Variants in SYT16 observed in about 807,000 individuals in gnomAD.
SYT16 encodes synaptotagmin 16.
A neutral mutation model predicts 61.4 loss-of-function variants in SYT16; 42 were observed. The ratio of observed to expected loss-of-function variants is 0.68; its 90% CI spans 0.53 to 0.89. The LOEUF (loss-of-function observed/expected upper bound fraction) is 0.89. SYT16 is among the 40% of genes least tolerant of loss of function. The probability of loss-of-function intolerance (pLI) is 0.00; values close to 1 mark genes in which losing one functional copy is unlikely to be tolerated. For synonymous variants in SYT16, 314 were observed against 302.3 expected, an observed-to-expected ratio of 1.04 and a Z score of -0.40; for missense variants, 804 against 807.3, an observed-to-expected ratio of 1.00 and a Z score of 0.05.
At chr14:61,902,057 C>T (rs889368689) in intron 1 of SYT16, among the ~76,000 whole-genome samples, 2 of 152,176 alleles carry the variant, frequency 1.3e-5, no homozygotes, top group Non-Finnish European at 2.9e-5. Context: ...GCCACCGTTC[C>T]AGACCTGCTT....
At chr14:61,850,138 T>C (rs1301634056) in intron 1 of SYT16, among the ~76,000 whole-genome samples, 6 of 152,020 alleles carry the variant, frequency 3.9e-5, no homozygotes, top group African/African-American at 1.4e-4. Context: ...CTTTTTCTTT[T>C]TCTTTTTTTT....
At chr14:61,892,057 C>T (rs1279585276) in intron 1 of SYT16, among the ~76,000 whole-genome samples, 1 of 149,478 alleles carries the variant, frequency 6.7e-6, no homozygotes, top group Non-Finnish European at 1.5e-5. Flanking sequence ...ACTTCCCTGC[C>T]TCCCTCCTTC....
chr14:62,000,575 G>T (rs2052972478), intron 3 of SYT16, among the ~76,000 whole-genome samples: 1 of 151,826 alleles, frequency 6.6e-6, no homozygotes, highest in Non-Finnish European at 1.5e-5. Flanking sequence ...ATTAAAATCT[G>T]TCTTCTTGCT....
chr14:61,941,936 C>A (rs1392884432), intron 1 of SYT16, among the ~76,000 whole-genome samples: 3 of 152,138 alleles, frequency 2.0e-5, no homozygotes, highest in Non-Finnish European at 4.4e-5. Context: ...TTGCCTTTGC[C>A]TGGCAAGGCT....
chr14:61,945,754 G>A (rs2050402039), intron 1 of SYT16, among the ~76,000 whole-genome samples: 1 of 151,436 alleles, frequency 6.6e-6, no homozygotes, highest in African/African-American at 2.4e-5. Context: ...TACGCGGGAG[G>A]CTGAGGCAGG....
chr14:61,955,461 C>T (rs1391508659), intron 1 of SYT16, among the ~76,000 whole-genome samples: 3 of 151,944 alleles, frequency 2.0e-5, no homozygotes, highest in African/African-American at 4.8e-5. Context: ...CTGCTCCAGC[C>T]GCTGGCAACT....
At chr14:61,862,872 A>C (rs2047008121) in intron 1 of SYT16, among the ~76,000 whole-genome samples, 1 of 152,166 alleles carries the variant, frequency 6.6e-6, no homozygotes, top group Non-Finnish European at 1.5e-5. Context: ...ATCATACAGG[A>C]TATAACCTTT....
intron 1 of SYT16, among the ~76,000 whole-genome samples, chr14:61,892,074 T>C (rs1479270304): frequency 2.0e-5 from 3 of 151,906 alleles, no homozygotes; most frequent in Non-Finnish European, 2.9e-5. Flanking sequence ...CTTCCCTTCC[T>C]TTTCTCCTTT....
intron 1 of SYT16, among the ~76,000 whole-genome samples, chr14:61,870,112 G>A (rs995519781): frequency 6.6e-6 from 1 of 151,890 alleles, no homozygotes; most frequent in South Asian, 2.1e-4. Context: ...TTTCCATCTG[G>A]TATTATTTGC....
At chr14:61,979,668 G>C (rs988493905) in intron 2 of SYT16, among the ~76,000 whole-genome samples, 1 of 152,174 alleles carries the variant, frequency 6.6e-6, no homozygotes, top group African/African-American at 2.4e-5. Flanking sequence ...TGGATCACGA[G>C]GTCAAGAGAT....
intron 1 of SYT16, among the ~76,000 whole-genome samples, chr14:61,898,187 A>G (rs1385157611): frequency 6.6e-6 from 1 of 152,202 alleles, no homozygotes; most frequent in Non-Finnish European, 1.5e-5. Flanking sequence ...TGAGGAAATA[A>G]ATGTGAACAG....
chr14:61,839,851 A>G (rs1310941422), intron 1 of SYT16, among the ~76,000 whole-genome samples: 1 of 146,594 alleles, frequency 6.8e-6, no homozygotes, highest in Non-Finnish European at 1.5e-5. Flanking sequence ...TTTTCTTGTG[A>G]TGAAGAATGT....
chr14:61,859,743 A>C (rs1197221878), intron 1 of SYT16, among the ~76,000 whole-genome samples: 1 of 152,040 alleles, frequency 6.6e-6, no homozygotes, highest in Non-Finnish European at 1.5e-5. Context: ...TGCTCACAGG[A>C]AGATGAAGGC....
At chr14:61,952,409 A>G (rs1418547446) in intron 1 of SYT16, among the ~76,000 whole-genome samples, 3 of 152,222 alleles carry the variant, frequency 2.0e-5, no homozygotes, top group Admixed American at 6.5e-5. Context: ...TCCATGGACT[A>G]TTGGTGCATC....
Position 62,111,301 on chromosome 14 carries a change from T to C in SYT16, c.*10594T>C, listed in dbSNP as rs1052066715. 2.6e-5 allele frequency: 4 copies of C among 152,082 alleles called. No homozygotes were observed. The highest frequency in any genetic ancestry group is 5.9e-5 in the Non-Finnish European group (4 of 67,936). 9.4% of individuals were successfully genotyped at this position (152,082 alleles called of 1,614,324 possible). On this transcript the variant is annotated 3_prime_UTR_variant, in exon 8 of 8. Coordinates refer to ENST00000683842, the MANE Select transcript of SYT16 (RefSeq NM_001367656.1). ...TTCATTCATTTTGAACATATGTAAC[T>C]ATTTTAGGAGATTTTCAGGAGATTT...
intron 1 of SYT16, among the ~76,000 whole-genome samples, chr14:61,839,223 G>A (rs1319413920): frequency 1.3e-5 from 2 of 152,154 alleles, no homozygotes; most frequent in African/African-American, 2.4e-5. Context: ...AGGTGATAGG[G>A]CTCTGCTCTC....
At chr14:62,076,411 C>G (rs1188958476) in intron 5 of SYT16, among the ~76,000 whole-genome samples, 1 of 151,318 alleles carries the variant, frequency 6.6e-6, no homozygotes, top group Non-Finnish European at 1.5e-5. Context: ...CTTATTAGGA[C>G]TTGGAGTGTC....
Position 62,011,926 on chromosome 14 carries a change from C to CACATAT in SYT16, c.523+15385_523+15386insCATATA, listed in dbSNP as rs1555370087. ...ACACATATATATACACACACACACA[C>CACATAT]ATATATATATATATATTTGATGCTG... is the stretch of plus-strand genomic sequence containing the variant. On this transcript the variant is annotated intron_variant, in intron 3 of 7. Transcript: ENST00000683842. 2.3e-3 allele frequency among the ~76,000 whole-genome samples: 311 copies of CACATAT among 132,792 alleles called. 8 individuals are homozygous for CACATAT. The highest frequency in any genetic ancestry group is 5.8e-3 in the African/African-American group (172 of 29,580). 87.1% of individuals were successfully genotyped at this position (132,792 alleles called of 152,430 possible).
intron 3 of SYT16, among the ~76,000 whole-genome samples, chr14:62,049,226 T>G (rs1293706023): frequency 1.3e-5 from 2 of 152,216 alleles, no homozygotes; most frequent in African/African-American, 4.8e-5. Context: ...TTTACCATTA[T>G]GTAATGGCCT....
Sources: gnomAD v4.1 joint callset for allele counts (sites outside exome capture counted in the v4.1 genomes callset) on GRCh38, gnomAD v4.1.1 for gene constraint, MANE v1.5 for transcripts, NCBI Gene and HGNC (gene_info 2026-07-23, HGNC 2026-07-21) for gene names.